The following KIF2C variants were observed in gnomAD, a reference collection of about 807,000 sequenced individuals.
KIF2C encodes the protein kinesin family member 2C.
Under a neutral mutation model 97.4 loss-of-function variants are expected in KIF2C, and 34 were observed. The ratio of observed to expected loss-of-function variants is 0.35; its 90% CI spans 0.27 to 0.46. The LOEUF (loss-of-function observed/expected upper bound fraction) is 0.46. KIF2C is among the 20% of genes least tolerant of loss of function. The pLI is 1.00. For missense variants in KIF2C, 750 were observed against 907.6 expected, an observed-to-expected ratio of 0.83 and a Z score of 2.23; for synonymous variants, 313 against 318.2, an observed-to-expected ratio of 0.98 and a Z score of 0.17.
At chr1:44,767,073 A>G (rs1196896173) in intron 20 of KIF2C, 24 bp from the exon 21 acceptor site, 1 of 1,612,940 alleles carries the variant, frequency 6.2e-7, no homozygotes, top group Admixed American at 1.7e-5. Flanking sequence ...CTAACCCCAT[A>G]TGTACCGCTA....
At position 44,760,705 on chromosome 1, in the gene KIF2C, G is replaced by GAGT; in HGVS notation, c.1683+6_1683+8dup. 1 of 1,607,708 alleles carries GAGT rather than the reference G, an allele frequency of 6.2e-7. No individual in the cohort carries two copies. Among genetic ancestry groups the GAGT allele is most frequent in the Non-Finnish European group, 8.5e-7 (1 of 1,174,256 alleles). On this transcript the variant is annotated splice_donor_region_variant and intron_variant, in intron 16 of 20. Transcript: ENST00000372224. The surrounding 1 kb of genome is among the most constrained non-coding windows in gnomAD (Gnocchi z 4.2). ...GGGAGAACTCTAGGACTTGCATGGT[G>GAGT]AGTAGGGTCACTTTGAAGGTGATGG...
Position 44,759,318 on chromosome 1 carries a change from TCAAGATGATC to T in KIF2C, c.1338_1347del (p.Ile446MetfsTer43). On this transcript the variant is annotated frameshift_variant, in exon 14 of 21. Transcript: ENST00000372224. LOFTEE classifies it high-confidence loss of function. ...CTGGTTAACTCTGCTGATGATGTCATCAAGATGATCGACATGGGCAGCGCCTGCAGGTGAG... is the reference window on the plus strand; with the variant it reads ...CTGGTTAACTCTGCTGATGATGTCATGACATGGGCAGCGCCTGCAGGTGAG... 6.2e-7 allele frequency: 1 copy of T among 1,614,096 alleles called. No homozygotes were observed. Among genetic ancestry groups the T allele is most frequent in the Non-Finnish European group, 8.5e-7 (1 of 1,180,010 alleles).
In KIF2C at chr1:44,762,295, G is replaced by A. The variant is rs748312391; in HGVS notation, c.1752-51G>A. Reference sequence around the variant, plus strand: ...AGCCTGGGCGGTGCCACATTCCTCTGGTGAGTACCAAGGGGGTGCTGTGGG... The same window carrying A: ...AGCCTGGGCGGTGCCACATTCCTCTAGTGAGTACCAAGGGGGTGCTGTGGG... On this transcript the variant is annotated intron_variant, in intron 17 of 20. Transcript: ENST00000372224. 4.7e-6 allele frequency: 7 copies of A among 1,495,512 alleles called. No individual in the cohort carries two copies. The South Asian group carries it at 5.7e-5, about 12-fold the overall frequency. The allele number at this position is 1,495,512 out of a possible 1,614,324, so 92.6% of individuals were successfully genotyped here.
At chr1:44,746,160 G>A (rs1047318827) in intron 2 of KIF2C, among the ~76,000 whole-genome samples, 4 of 152,234 alleles carry the variant, frequency 2.6e-5, no homozygotes, top group Non-Finnish European at 5.9e-5. Context: ...TTACAGGCGT[G>A]AGCCACCGCA....
At position 44,753,252 on chromosome 1, in the gene KIF2C, C is replaced by T. The variant is rs766621230; in HGVS notation, c.560C>T (p.Ser187Leu). ...AGCTCTTCTGCAAACCCTGTGAACT[C>T]AGGTAGACACACTGAGCTGTCTGCT... ...RGSSSANPVN[S>L]VRRKSCLVKE... The change falls in exon 6 of 21, where the codon TCA (serine) becomes TTA (leucine). Residue 187 changes from serine (S) to leucine (L), a missense_variant and splice_region_variant. Transcript: ENST00000372224. The T allele has an allele frequency of 7.4e-6, 12 of 1,611,772 alleles. No individual in the cohort carries two copies. The East Asian group carries it at 2.5e-4, about 33-fold the overall frequency.
intron 19 of KIF2C, 51 bp downstream of exon 19, chr1:44,762,709 T>A (rs751571302): frequency 8.5e-7 from 1 of 1,171,050 alleles, no homozygotes; most frequent in Non-Finnish European, 1.3e-6. Context: ...GCCCTCAGTA[T>A]GCTCCACACC....
In KIF2C at chr1:44,740,968, A is replaced by C. The variant is rs1250941467; in HGVS notation, c.126A>C (p.Ser42=). The C allele has an allele frequency of 6.2e-7, 1 of 1,613,766 alleles. No individual in the cohort carries two copies. The highest frequency in any genetic ancestry group is 1.7e-5 in the Admixed American group (1 of 59,988). ...RTVNLEKSCV[S]VEWAEGGATK... Reference sequence around the variant, plus strand: ...TGAACTTGGAGAAATCCTGTGTTTCAGTGGAATGGGCAGAAGGAGGTGCCA... The same window carrying C: ...TGAACTTGGAGAAATCCTGTGTTTCCGTGGAATGGGCAGAAGGAGGTGCCA... The change falls in exon 2 of 21, where the codon TCA becomes TCC. Residue 42 remains serine, a synonymous_variant. Coordinates refer to ENST00000372224, the MANE Select transcript of KIF2C (RefSeq NM_006845.4).
intron 7 of KIF2C, among the ~76,000 whole-genome samples, chr1:44,754,422 C>T (rs1225090703): frequency 1.3e-5 from 2 of 152,176 alleles, no homozygotes; most frequent in Non-Finnish European, 2.9e-5. Context: ...CTCCTATCCT[C>T]CCCCAAGTTG....
intron 2 of KIF2C, 53 bp downstream of exon 2, chr1:44,741,060 A>T: frequency 1.4e-6 from 2 of 1,386,384 alleles, no homozygotes; most frequent in Non-Finnish European, 2.0e-6. Flanking sequence ...TACATAAAGG[A>T]TCTGTGCAGA....
chr1:44,764,551 C>T (rs978405447), intron 19 of KIF2C, among the ~76,000 whole-genome samples: 1 of 151,370 alleles, frequency 6.6e-6, no homozygotes, highest in Non-Finnish European at 1.5e-5. Flanking sequence ...CTTTTGTCCC[C>T]CAGGCTGGAG....
chr1:44,743,303 T>A (rs1289887602), intron 2 of KIF2C, among the ~76,000 whole-genome samples: 1 of 152,202 alleles, frequency 6.6e-6, no homozygotes, highest in Non-Finnish European at 1.5e-5. Flanking sequence ...TTCTCAGGCA[T>A]GTTTCTGCCC....
At chr1:44,762,749 C>G (rs539198917) in intron 19 of KIF2C, 91 bp downstream of exon 19, 3 of 818,024 alleles carry the variant, frequency 3.7e-6, no homozygotes, top group Non-Finnish European at 6.2e-6. Flanking sequence ...GGCCTTGTTC[C>G]CACAGGTATT....
chr1:44,743,174 TGAG>T (rs1477461589), intron 2 of KIF2C, among the ~76,000 whole-genome samples: 1 of 152,188 alleles, frequency 6.6e-6, no homozygotes, highest in Non-Finnish European at 1.5e-5. Flanking sequence ...GGAAGGATTT[TGAG>T]GAGAGCACTG....
chr1:44,749,911 T>C (rs1423004531), intron 4 of KIF2C, among the ~76,000 whole-genome samples: 1 of 151,094 alleles, frequency 6.6e-6, no homozygotes, highest in Non-Finnish European at 1.5e-5. Flanking sequence ...ACCCCGTCTG[T>C]ACTAAAAAAA....
At chr1:44,765,946 G>C (rs1650440602) in intron 19 of KIF2C, among the ~76,000 whole-genome samples, 1 of 152,172 alleles carries the variant, frequency 6.6e-6, no homozygotes, top group South Asian at 2.1e-4. Flanking sequence ...CAGCTACTTG[G>C]GAGGCTGAGG....
chr1:44,761,091 T>A, intron 16 of KIF2C: 1 of 220,924 alleles, frequency 4.5e-6, no homozygotes, highest in Non-Finnish European at 9.1e-6. Context: ...ATAGCCTGGA[T>A]CATAAGGCTG....
intron 4 of KIF2C, among the ~76,000 whole-genome samples, chr1:44,749,657 A>G (rs1649401179): frequency 6.6e-6 from 1 of 151,716 alleles, no homozygotes; most frequent in South Asian, 2.1e-4. Flanking sequence ...AACATGGATT[A>G]TATATAGCCA....
intron 17 of KIF2C, 110 bp downstream of exon 17, chr1:44,762,093 G>C (rs908738411): frequency 9.8e-7 from 1 of 1,022,876 alleles, no homozygotes; most frequent in Non-Finnish European, 1.5e-6. Flanking sequence ...ATACTCCTCT[G>C]TGACTCTGAA....
intron 1 of KIF2C, 52 bp from the exon 2 acceptor site, chr1:44,740,861 G>C: frequency 8.3e-7 from 1 of 1,202,460 alleles, no homozygotes; most frequent in Non-Finnish European, 1.2e-6. Context: ...AATCCTAAAA[G>C]TGAAGCTCTC....
Sources: allele counts gnomAD v4.1 joint callset (sites outside exome capture counted in the v4.1 genomes callset), GRCh38; gene constraint gnomAD v4.1.1; non-coding constraint Gnocchi (gnomAD v3.1); transcripts MANE v1.5; gene names NCBI Gene and HGNC (gene_info 2026-07-23, HGNC 2026-07-21).